Variants in CALM2 observed in about 807,000 individuals in gnomAD.
CALM2 encodes the protein calmodulin 2.
A neutral mutation model predicts 19.8 loss-of-function variants in CALM2; 2 were observed. The ratio of observed to expected loss-of-function variants is 0.10; its 90% CI spans 0.04 to 0.32. CALM2 has a LOEUF of 0.32. CALM2 is among the 10% of genes least tolerant of loss of function. The probability of loss-of-function intolerance (pLI) is 1.00; values close to 1 mark genes in which losing one functional copy is unlikely to be tolerated. For missense variants in CALM2, 38 were observed against 178.7 expected, an observed-to-expected ratio of 0.21 and a Z score of 4.49; for synonymous variants, 51 against 52.1, an observed-to-expected ratio of 0.98 and a Z score of 0.09.
chr2:47,164,330 TCCC>T (rs1666384388), intron 2 of CALM2, among the ~76,000 whole-genome samples: 1 of 134,292 alleles, frequency 7.4e-6, no homozygotes, highest in Non-Finnish European at 1.6e-5. Context: ...GTGCCTGTAG[TCCC>T]CCGTCTCTAC....
intron 1 of CALM2, chr2:47,173,805 G>A (rs142818434): frequency 2.6e-5 from 4 of 152,278 alleles, no homozygotes; most frequent in African/African-American, 2.4e-5. Context: ...ATGGAAGCCA[G>A]GATATTTGTT....
chr2:47,176,806 C>T (rs1666889026), upstream of CALM2: 3 of 985,326 alleles, frequency 3.0e-6, no homozygotes, highest in East Asian at 1.1e-4. Flanking sequence ...GCGATGCGTC[C>T]CCCGTTGGTC....
At chr2:47,170,878 G>T in intron 1 of CALM2, 114 bp from the exon 2 acceptor site, 1 of 819,208 alleles carries the variant, frequency 1.2e-6, no homozygotes, top group Non-Finnish European at 2.2e-6. Flanking sequence ...TTTAGTTCCA[G>T]CAACAAACAC....
chr2:47,170,553 C>T (rs918872141), intron 2 of CALM2, among the ~76,000 whole-genome samples, 181 bp downstream of exon 2: 1 of 152,222 alleles, frequency 6.6e-6, no homozygotes, highest in Non-Finnish European at 1.5e-5. Flanking sequence ...CATCTTCCAT[C>T]GGCAAGTTTA....
chr2:47,176,364 G>T, intron 1 of CALM2, 77 bp downstream of exon 1: 1 of 1,566,128 alleles, frequency 6.4e-7, no homozygotes, highest in Non-Finnish European at 8.7e-7. Context: ...AGGGAGGCGA[G>T]TTTCCTTTGT....
At chr2:47,174,651 A>T (rs1405048782) in intron 1 of CALM2, among the ~76,000 whole-genome samples, 1 of 152,168 alleles carries the variant, frequency 6.6e-6, no homozygotes, top group Non-Finnish European at 1.5e-5. Context: ...TGGGCAAGGG[A>T]CCACAAATGC....
At chr2:47,167,933 C>T (rs1666541684) in intron 2 of CALM2, among the ~76,000 whole-genome samples, 1 of 150,554 alleles carries the variant, frequency 6.6e-6, no homozygotes, top group Admixed American at 6.6e-5. Context: ...TGCCCAGCCA[C>T]CAACAATTAC....
In CALM2 at chr2:47,162,275, C is replaced by G; in HGVS notation, c.285+11G>C. 1 of 1,517,568 alleles carries G rather than the reference C, an allele frequency of 6.6e-7. No homozygotes were observed. 94.0% of individuals were successfully genotyped at this position (1,517,568 alleles called of 1,614,324 possible). A position where few individuals can be genotyped will look rare whatever the true frequency, so the allele number is the denominator to read the frequency against. On this transcript the variant is annotated intron_variant, in intron 4 of 5. Transcript: ENST00000272298. ...ATCCTCAAAATTTAACATATCCAGT[C>G]CTTGACGTACCTTATCAAACACACG...
At chr2:47,169,165 A>T (rs960613000) in intron 2 of CALM2, among the ~76,000 whole-genome samples, 4 of 152,242 alleles carry the variant, frequency 2.6e-5, no homozygotes, top group African/African-American at 9.6e-5. Flanking sequence ...TAAAGTGAAC[A>T]TGCTGTACTG....
At position 47,172,281 on chromosome 2, in the gene CALM2, G is replaced by A. The variant is rs150500231; in HGVS notation, c.4-1517C>T. ...GGAAGGGCAACCTGGCATGCGTGGCGTGGGGGGAAAGCATCAAGTTCTGAG... is the reference window on the plus strand; with the variant it reads ...GGAAGGGCAACCTGGCATGCGTGGCATGGGGGGAAAGCATCAAGTTCTGAG... On this transcript the variant is annotated intron_variant, in intron 1 of 5. Coordinates refer to ENST00000272298, the MANE Select transcript of CALM2 (RefSeq NM_001743.6). 56 of 327,860 alleles carry A rather than the reference G, an allele frequency of 1.7e-4. No homozygotes were observed. The East Asian group carries it at 4.2e-3, about 25-fold the overall frequency. The allele number at this position is 327,860 out of a possible 1,614,324, so 20.3% of individuals were successfully genotyped here. A position where few individuals can be genotyped will look rare whatever the true frequency, so the allele number is the denominator to read the frequency against.
upstream of CALM2, chr2:47,176,892 T>A (rs1301611273): frequency 1.0e-6 from 1 of 985,250 alleles, no homozygotes. Flanking sequence ...CGGGACGCGG[T>A]GCGGCTTCTG....
chr2:47,169,035 A>G (rs1407271282), intron 2 of CALM2, among the ~76,000 whole-genome samples: 3 of 151,976 alleles, frequency 2.0e-5, no homozygotes, highest in Non-Finnish European at 4.4e-5. Flanking sequence ...CGGCCTCCCA[A>G]AGTGCTGGAA....
At chr2:47,176,342 C>T (rs1666866921) in intron 1 of CALM2, 99 bp downstream of exon 1, 1 of 1,458,388 alleles carries the variant, frequency 6.9e-7, no homozygotes, top group Admixed American at 1.8e-5. Context: ...GAAACCACTC[C>T]TTGAAGGTGT....
chr2:47,176,264 G>T (rs1573235673), intron 1 of CALM2, 177 bp downstream of exon 1: 1 of 688,314 alleles, frequency 1.5e-6, no homozygotes, highest in Non-Finnish European at 2.4e-6. Flanking sequence ...AGAGAATGGG[G>T]GTGGGGGAGC....
At chr2:47,168,600 G>T (rs1252424137) in intron 2 of CALM2, among the ~76,000 whole-genome samples, 1 of 151,998 alleles carries the variant, frequency 6.6e-6, no homozygotes, top group Non-Finnish European at 1.5e-5. Context: ...TAGCCAGGTG[G>T]TGCATGCCTC....
chr2:47,171,357 C>A (rs1015081550), intron 1 of CALM2: 1 of 152,318 alleles, frequency 6.6e-6, no homozygotes, highest in Non-Finnish European at 1.5e-5. Flanking sequence ...TTTTTAATAG[C>A]ACTTGGTTTT....
chr2:47,164,497 T>C (rs1476754318), intron 2 of CALM2, among the ~76,000 whole-genome samples: 7 of 151,392 alleles, frequency 4.6e-5, no homozygotes, highest in Non-Finnish European at 1.0e-4. Context: ...CTGGGGAGGC[T>C]GCAGCAGCAG....
intron 1 of CALM2, among the ~76,000 whole-genome samples, chr2:47,175,097 T>TTC (rs1553433905): frequency 2.4e-5 from 3 of 126,630 alleles, no homozygotes; most frequent in African/African-American, 7.8e-5. Context: ...TTTTTTTTTT[T>TTC]TCAGGAAAGA....
At chr2:47,162,826 A>T in intron 2 of CALM2, 164 bp from the exon 3 acceptor site, 1 of 537,168 alleles carries the variant, frequency 1.9e-6, no homozygotes, top group South Asian at 3.4e-5. Flanking sequence ...TCTCAGAAAA[A>T]CCCAAAAACT....
Sources: allele counts gnomAD v4.1 joint callset (sites outside exome capture counted in the v4.1 genomes callset), GRCh38; gene constraint gnomAD v4.1.1; transcripts MANE v1.5; gene names NCBI Gene and HGNC (gene_info 2026-07-23, HGNC 2026-07-21).